Variants in FCRL1 observed in about 807,000 individuals in gnomAD.
FCRL1 encodes Fc receptor-like protein 1.
FCRL1 carries 34 observed loss-of-function variants against 49.2 expected under a neutral mutation model. The ratio of observed to expected loss-of-function variants is 0.69; its 90% CI spans 0.53 to 0.92. The LOEUF is 0.92. Ranked by LOEUF, FCRL1 falls within the 40% of genes least tolerant of loss-of-function variation. FCRL1 has a pLI of 0.00. For missense variants in FCRL1, 524 were observed against 524.1 expected (o/e 1.00, Z 0.00); for synonymous variants, 218 against 201.6 (o/e 1.08, Z -0.69).
intron 1 of FCRL1, 80 bp from the exon 2 acceptor site, chr1:157,807,202 C>G: frequency 6.8e-7 from 1 of 1,464,456 alleles, no homozygotes; most frequent in Non-Finnish European, 9.4e-7. Context: ...TGAGAGCTTC[C>G]CCAACACCAC....
chr1:157,796,263 T>C, intron 10 of FCRL1, 93 bp from the exon 11 acceptor site: 1 of 1,018,592 alleles, frequency 9.8e-7, no homozygotes. Context: ...CATCTTATCA[T>C]GGCACATCAC....
chr1:157,800,698 C>CAAGTGAGAA (rs1355485467), intron 6 of FCRL1, among the ~76,000 whole-genome samples: 1 of 152,046 alleles, frequency 6.6e-6, no homozygotes, highest in Non-Finnish European at 1.5e-5. Context: ...TTTCAGAGGA[C>CAAGTGAGAA]AAGTGAGAAA....
In FCRL1 at chr1:157,802,168, C is replaced by A; in HGVS notation, c.633G>T (p.Met211Ile). 2 of 1,613,868 alleles carry A rather than the reference C, an allele frequency of 1.2e-6. No individual in the cohort carries two copies. Among genetic ancestry groups the A allele is most frequent in the Non-Finnish European group, 1.7e-6 (2 of 1,179,854 alleles). ...VRIPVSRPIL[M>I]LRAPRAQAAV... ...CAGCCTGGGCCCTGGGAGCCCTGAG[C>A]ATGAGGATTGGGCGAGACACCGGGA... Residue 211 changes from methionine (M) to isoleucine (I), a missense_variant, in exon 5 of 11, where the codon ATG (methionine) becomes ATT (isoleucine). Met to Ile is a conservative substitution (Grantham distance 10). Transcript: ENST00000368176.
At chr1:157,804,151 G>T (rs372470570) in intron 2 of FCRL1, 40 bp from the exon 3 acceptor site, 1 of 1,597,924 alleles carries the variant, frequency 6.3e-7, no homozygotes. Flanking sequence ...AATGCGGTTC[G>T]GAATTTCTGG....
At chr1:157,805,235 TA>T (rs1468046551) in intron 2 of FCRL1, among the ~76,000 whole-genome samples, 1 of 152,120 alleles carries the variant, frequency 6.6e-6, no homozygotes, top group African/African-American at 2.4e-5. Flanking sequence ...CAGCAGCCCA[TA>T]AAAATGTCAC....
At chr1:157,804,633 C>T (rs995599633) in intron 2 of FCRL1, among the ~76,000 whole-genome samples, 3 of 152,216 alleles carry the variant, frequency 2.0e-5, no homozygotes, top group Non-Finnish European at 2.9e-5. Flanking sequence ...CCAGGAAAGA[C>T]GTAGAAGAAC....
intron 9 of FCRL1, among the ~76,000 whole-genome samples, chr1:157,797,354 A>C (rs1293150921): frequency 6.6e-6 from 1 of 152,124 alleles, no homozygotes; most frequent in African/African-American, 2.4e-5. Context: ...CCTCTATGCC[A>C]GGAGGGGCCT....
intron 1 of FCRL1, among the ~76,000 whole-genome samples, chr1:157,816,702 C>T (rs1655067102): frequency 6.6e-6 from 1 of 151,532 alleles, no homozygotes; most frequent in Admixed American, 6.6e-5. Context: ...CTAAAGACCC[C>T]ACCAACAAAA....
In FCRL1 at chr1:157,820,049, C is replaced by T. The variant is rs1200067424; in HGVS notation, c.-12G>A. The T allele has an allele frequency of 6.2e-7, 1 of 1,614,116 alleles. No homozygotes were observed. The highest frequency in any genetic ancestry group is 1.3e-5 in the African/African-American group (1 of 75,032). On this transcript the variant is annotated 5_prime_UTR_variant, in exon 1 of 11. The change abolishes the stop of an existing upstream ORF in the 5' untranslated region. Coordinates refer to ENST00000368176, the MANE Select transcript of FCRL1 (RefSeq NM_052938.5). ...AGCCTCGGCAGCATGAGGACCAGGT[C>T]AGGGATGGTACCTAGAGATGCCTCT...
intron 2 of FCRL1, among the ~76,000 whole-genome samples, chr1:157,805,633 C>T (rs180737538): frequency 7.5e-4 from 114 of 152,242 alleles, no homozygotes; most frequent in Middle Eastern, 3.4e-3. Context: ...TGGTGGCTCA[C>T]GGCTGTGATC....
At chr1:157,801,739 G>A in intron 5 of FCRL1, 162 bp from the exon 6 acceptor site, 9 of 860,808 alleles carry the variant, frequency 1.0e-5, no homozygotes, top group Non-Finnish European at 1.6e-5. Context: ...CAAGAGAAGA[G>A]CTGCACCCAA....
chr1:157,812,181 A>T (rs901348983), intron 1 of FCRL1, among the ~76,000 whole-genome samples: 2 of 152,172 alleles, frequency 1.3e-5, no homozygotes, highest in Admixed American at 6.5e-5. Flanking sequence ...TCTCAGCCAA[A>T]CAGCCTAAGT....
chr1:157,807,382 C>A (rs1019865294), intron 1 of FCRL1, among the ~76,000 whole-genome samples: 3 of 152,172 alleles, frequency 2.0e-5, no homozygotes, highest in Admixed American at 2.0e-4. Context: ...ACCCACAGAG[C>A]ACCTGCCCAC....
rs143889242 is a variant in FCRL1, at chr1:157,801,333, G to T, written c.1003+128C>A. 37 of 701,542 alleles carry T rather than the reference G, an allele frequency of 5.3e-5. No homozygotes were observed. The East Asian group carries it at 9.4e-4, about 18-fold the overall frequency. 43.5% of individuals were successfully genotyped at this position (701,542 alleles called of 1,614,324 possible). On this transcript the variant is annotated intron_variant, in intron 6 of 10. Coordinates refer to ENST00000368176, the MANE Select transcript of FCRL1 (RefSeq NM_052938.5). Reference sequence around the variant, plus strand: ...GGCACTGTTCCTACCCGCTGGCTTTGTGGGCAGAAACATAGGCAAGGTGTT... The same window carrying T: ...GGCACTGTTCCTACCCGCTGGCTTTTTGGGCAGAAACATAGGCAAGGTGTT...
chr1:157,806,293 A>AGGGAACTT (rs1653427583), intron 2 of FCRL1, among the ~76,000 whole-genome samples: 1 of 152,204 alleles, frequency 6.6e-6, no homozygotes, highest in African/African-American at 2.4e-5. Flanking sequence ...AGGAATTCCT[A>AGGGAACTT]GGGAACTTGG....
chr1:157,816,601 C>T (rs904386721), intron 1 of FCRL1, among the ~76,000 whole-genome samples: 2 of 151,550 alleles, frequency 1.3e-5, no homozygotes, highest in Non-Finnish European at 3.0e-5. Context: ...AAGTATTAGG[C>T]AAGAGAAAGA....
chr1:157,800,173 T>C, intron 6 of FCRL1, 88 bp from the exon 7 acceptor site: 1 of 1,311,364 alleles, frequency 7.6e-7, no homozygotes, highest in African/African-American at 1.5e-5. Context: ...TGCACAGGGA[T>C]ATGCCTCATG....
At chr1:157,796,960 T>C in intron 10 of FCRL1, 141 bp downstream of exon 10, 1 of 721,478 alleles carries the variant, frequency 1.4e-6, no homozygotes, top group Non-Finnish European at 2.4e-6. Flanking sequence ...TATGTGTTTT[T>C]ACCTCCATTG....
rs1431141131 is a variant in FCRL1, at chr1:157,794,800, TTAC to T, written c.*1296_*1298del. 1.3e-5 allele frequency: 2 copies of T among 152,218 alleles called. No individual in the cohort carries two copies. Among genetic ancestry groups the T allele is most frequent in the African/African-American group, 4.8e-5 (2 of 41,540 alleles). 9.4% of individuals were successfully genotyped at this position (152,218 alleles called of 1,614,324 possible). On this transcript the variant is annotated 3_prime_UTR_variant, in exon 11 of 11. Coordinates refer to ENST00000368176, the MANE Select transcript of FCRL1 (RefSeq NM_052938.5). ...ATGATCAATTTTATGTTGTGCATAT[TTAC>T]TACAATAAAAAAAGAAAAAAGTTAT...
Sources: gnomAD v4.1 joint callset for allele counts (sites outside exome capture counted in the v4.1 genomes callset) on GRCh38, gnomAD v4.1.1 for gene constraint, MANE v1.5 for transcripts, NCBI Gene and HGNC (gene_info 2026-07-23, HGNC 2026-07-21) for gene names.